The following FER1L6 variants were observed in gnomAD, a reference collection of about 807,000 sequenced individuals.
The protein encoded by FER1L6 is fer-1-like protein 6.
Under a neutral mutation model 219.2 loss-of-function variants are expected in FER1L6, and 177 were observed. The observed-to-expected ratio is 0.81, with a 90% CI of 0.71 to 0.91. FER1L6 has a LOEUF of 0.91. FER1L6 is among the 40% of genes least tolerant of loss of function. FER1L6 has a pLI of 0.00. For missense variants in FER1L6, 2,153 were observed against 2,259.9 expected (o/e 0.95, Z 0.96); for synonymous variants, 768 against 824.3 (o/e 0.93, Z 1.17).
chr8:123,933,684 G>A (rs367981398), intron 1 of FER1L6, among the ~76,000 whole-genome samples: 4 of 152,290 alleles, frequency 2.6e-5, no homozygotes, highest in East Asian at 3.9e-4. Flanking sequence ...AAAATGGACA[G>A]CTCAATAAAC....
intron 1 of FER1L6, among the ~76,000 whole-genome samples, chr8:123,937,807 G>A (rs1378644849): frequency 6.6e-6 from 1 of 151,922 alleles, no homozygotes; most frequent in East Asian, 1.9e-4. Flanking sequence ...TGATATCAAA[G>A]TAATTGATGG....
At chr8:123,938,526 T>C (rs1037453840) in intron 1 of FER1L6, among the ~76,000 whole-genome samples, 5 of 148,872 alleles carry the variant, frequency 3.4e-5, no homozygotes, top group Non-Finnish European at 7.4e-5. Flanking sequence ...TAAAAGCTTA[T>C]ACAATTTACC....
chr8:124,114,055 A>C (rs368383384), intron 39 of FER1L6, among the ~76,000 whole-genome samples: 1 of 152,116 alleles, frequency 6.6e-6, no homozygotes, highest in African/African-American at 2.4e-5. Context: ...TAATTATTTC[A>C]TTGGTTTTAT....
chr8:124,039,123 G>A (rs753464249), intron 19 of FER1L6, among the ~76,000 whole-genome samples: 49 of 152,218 alleles, frequency 3.2e-4, no homozygotes, highest in Non-Finnish European at 5.3e-4. Context: ...TTACCCCTGT[G>A]TTCCTTGCCA....
intron 1 of FER1L6, among the ~76,000 whole-genome samples, chr8:123,919,090 G>A (rs1813279597): frequency 1.3e-5 from 2 of 152,324 alleles, no homozygotes; most frequent in East Asian, 1.9e-4. Flanking sequence ...TCGTAGGAGA[G>A]TGGGGACTTG....
chr8:124,011,663 T>C (rs1817933459), intron 14 of FER1L6, among the ~76,000 whole-genome samples: 1 of 151,370 alleles, frequency 6.6e-6, no homozygotes, highest in African/African-American at 2.4e-5. Context: ...TTTTTTTTTT[T>C]TTGGTAGAGA....
chr8:124,095,229 A>G (rs1822229307), intron 35 of FER1L6, among the ~76,000 whole-genome samples, 191 bp downstream of exon 35: 1 of 152,206 alleles, frequency 6.6e-6, no homozygotes, highest in African/African-American at 2.4e-5. Flanking sequence ...TGCTAAATTA[A>G]ACATCCTAGA....
rs1822031088 is a variant in FER1L6 at position 124,091,574 on chromosome 8, G to A, written c.4543G>A (p.Glu1515Lys). The A allele has an allele frequency of 6.2e-7, 1 of 1,613,660 alleles. No homozygotes were observed. Among genetic ancestry groups the A allele is most frequent in the South Asian group, 1.1e-5 (1 of 90,990 alleles). The change falls in exon 34 of 41, where the codon GAG becomes AAG. Residue 1515 changes from glutamate to lysine, a missense_variant. Transcript: ENST00000522917. The stretch of plus-strand genomic sequence containing the variant: ...TTCTGGAAAAACTATCTTCACTGAA[G>A]AGGACACTGGTAACTCCCTGCAAAA... ...VFSGKTIFTE[E>K]DTDETVESYE...
intron 19 of FER1L6, among the ~76,000 whole-genome samples, chr8:124,037,734 C>T (rs1339278044): frequency 2.6e-5 from 4 of 152,054 alleles, no homozygotes; most frequent in Non-Finnish European, 4.4e-5. Context: ...GGGACAGAAA[C>T]GTGTGTGAGC....
chr8:123,878,860 T>C (rs957769393), intron 1 of FER1L6, among the ~76,000 whole-genome samples: 11 of 152,324 alleles, frequency 7.2e-5, no homozygotes, highest in African/African-American at 2.6e-4. Context: ...TTTTCACTTT[T>C]AGTGAAAACA....
chr8:124,023,688 T>C (rs1157517977), intron 18 of FER1L6, 92 bp downstream of exon 18: 1 of 1,349,012 alleles, frequency 7.4e-7, no homozygotes, highest in Non-Finnish European at 1.0e-6. Flanking sequence ...GCTCTGACCA[T>C]TCCCCAGTGC....
chr8:124,010,804 C>A, intron 14 of FER1L6, 90 bp downstream of exon 14: 1 of 1,515,646 alleles, frequency 6.6e-7, no homozygotes, highest in Non-Finnish European at 8.9e-7. Context: ...GGATGTTGAC[C>A]TCAGTTCAAA....
At chr8:124,038,136 C>T (rs554933621) in intron 19 of FER1L6, among the ~76,000 whole-genome samples, 19 of 152,292 alleles carry the variant, frequency 1.2e-4, no homozygotes, top group South Asian at 4.1e-4. Flanking sequence ...ATAAACTGGA[C>T]TACATTCTTG....
intron 1 of FER1L6, among the ~76,000 whole-genome samples, chr8:123,929,423 T>TC (rs1813687403): frequency 6.6e-6 from 1 of 152,196 alleles, no homozygotes. Flanking sequence ...AATTGAGAAT[T>TC]AACTTCAGCT....
At position 124,049,007 on chromosome 8, in the gene FER1L6, G is replaced by A. The variant is rs564062848; in HGVS notation, c.2725-600G>A. On this transcript the variant is annotated intron_variant, in intron 21 of 40. Transcript: ENST00000522917. ...GAGAGATAGCCCCTAAGATAGCTTT[G>A]GGCCAGAAAGCCCCTAGGATGAGCA... Among the ~76,000 whole-genome samples, 3 of 151,914 alleles carry A rather than the reference G, an allele frequency of 2.0e-5. No homozygotes were observed. In the East Asian group the frequency reaches 5.8e-4, roughly 29 times the overall value.
At chr8:123,950,762 G>A (rs945274513) in intron 1 of FER1L6, among the ~76,000 whole-genome samples, 1 of 152,188 alleles carries the variant, frequency 6.6e-6, no homozygotes, top group Non-Finnish European at 1.5e-5. Context: ...TGAGATAAAG[G>A]TTTCCAAAAC....
intron 1 of FER1L6, among the ~76,000 whole-genome samples, chr8:123,943,780 T>C (rs763643933): frequency 2.0e-5 from 3 of 151,826 alleles, no homozygotes; most frequent in African/African-American, 7.3e-5. Context: ...CTTCTGCTTG[T>C]CCTTAGAAAC....
intron 1 of FER1L6, among the ~76,000 whole-genome samples, chr8:123,930,922 C>T (rs557180307): frequency 6.6e-6 from 1 of 152,184 alleles, no homozygotes; most frequent in Non-Finnish European, 1.5e-5. Context: ...TTCCTGGAGA[C>T]TCCCATGGCT....
intron 1 of FER1L6, among the ~76,000 whole-genome samples, chr8:123,919,635 C>T (rs955979813): frequency 5.9e-5 from 9 of 152,212 alleles, no homozygotes; most frequent in South Asian, 4.1e-4. Flanking sequence ...AAAATGGAAA[C>T]GTAGAGCCCC....
Sources: gnomAD v4.1 joint callset for allele counts (sites outside exome capture counted in the v4.1 genomes callset) on GRCh38, gnomAD v4.1.1 for gene constraint, MANE v1.5 for transcripts, NCBI Gene and HGNC (gene_info 2026-07-23, HGNC 2026-07-21) for gene names.